PCDHA8: variants seen among roughly 807,000 people sequenced by gnomAD.
The protein encoded by PCDHA8 is protocadherin alpha 8.
A neutral mutation model predicts 61.8 loss-of-function variants in PCDHA8; 53 were observed. That is an observed-to-expected ratio of 0.86 (90% CI 0.69 to 1.08). The LOEUF (loss-of-function observed/expected upper bound fraction) is 1.08. Ranked by LOEUF, PCDHA8 falls within the 50% of genes least tolerant of loss-of-function variation. PCDHA8 has a pLI of 0.00. For missense variants in PCDHA8, 1,293 were observed against 1,245.0 expected (o/e 1.04, Z -0.58); for synonymous variants, 618 against 556.6 (o/e 1.11, Z -1.55).
At chr5:140,875,580 C>T (rs1381718234) in intron 1 of PCDHA8, 2 of 1,614,076 alleles carry the variant, frequency 1.2e-6, no homozygotes, top group East Asian at 2.2e-5. Flanking sequence ...ACTCCGTCTA[C>T]GAGGAGGCCA....
chr5:140,911,485 A>G (rs1387982810), intron 1 of PCDHA8, among the ~76,000 whole-genome samples: 1 of 152,152 alleles, frequency 6.6e-6, no homozygotes, highest in East Asian at 1.9e-4. Context: ...ACTCAGGGCA[A>G]TCTTAGCAGG....
chr5:140,868,431 G>T (rs1319024879), intron 1 of PCDHA8: 2 of 152,206 alleles, frequency 1.3e-5, no homozygotes, highest in Non-Finnish European at 2.9e-5. Flanking sequence ...GATGAGAATA[G>T]ATCATGTGGA....
Position 140,925,562 on chromosome 5 carries a change from G to A in PCDHA8, c.2395-53387G>A, listed in dbSNP as rs28620116. On this transcript the variant is annotated intron_variant, in intron 1 of 3. Transcript: ENST00000531613. ...ACCTAATGTAAATGACAAGTTAATG[G>A]GTGCAGCACACCAACATGGCGCATG... 5.5e-3 allele frequency among the ~76,000 whole-genome samples: 841 copies of A among 151,670 alleles called. 7 individuals carry two copies. The highest frequency in any genetic ancestry group is 0.018 in the African/African-American group (764 of 41,334).
chr5:140,950,723 A>AT (rs1196047674), intron 1 of PCDHA8, among the ~76,000 whole-genome samples: 72 of 152,102 alleles, frequency 4.7e-4, no homozygotes, highest in African/African-American at 1.6e-3. Flanking sequence ...ATATCCTTAA[A>AT]TTTTTTAATC....
chr5:140,918,072 T>C (rs1271495774), intron 1 of PCDHA8, among the ~76,000 whole-genome samples: 1 of 152,142 alleles, frequency 6.6e-6, no homozygotes, highest in Non-Finnish European at 1.5e-5. Flanking sequence ...TTTCTTTCAG[T>C]AGTGTTTTAT....
chr5:140,970,647 T>C lies in PCDHA8; in HGVS notation c.2395-8302T>C, dbSNP rs529255517. Among the ~76,000 whole-genome samples, 9 of 152,352 alleles carry C rather than the reference T, an allele frequency of 5.9e-5. No homozygotes were observed. The South Asian group carries it at 1.9e-3, about 32-fold the overall frequency. On this transcript the variant is annotated intron_variant, in intron 1 of 3. Coordinates refer to ENST00000531613, the MANE Select transcript of PCDHA8 (RefSeq NM_018911.3). ...CAAAATTTTGTACCATAAATAGTGA[T>C]GAATTGTTATCTTTCCAAATAACTA...
rs1581464132 is a variant in PCDHA8, at chr5:140,857,670, T to A, written c.2394+13955T>A. 10 of 1,596,646 alleles carry A rather than the reference T, an allele frequency of 6.3e-6. No homozygotes were observed. In the East Asian group the frequency reaches 2.2e-4, roughly 36 times the overall value. ...CAGGTGAGCGCGCGCGATGGGGGCG[T>A]GCCGCCTCTGGGCAGCAACTTGACG... On this transcript the variant is annotated intron_variant, in intron 1 of 3. Transcript: ENST00000531613.
At chr5:140,905,135 T>G (rs2071619691) in intron 1 of PCDHA8, among the ~76,000 whole-genome samples, 1 of 152,208 alleles carries the variant, frequency 6.6e-6, no homozygotes, top group Admixed American at 6.5e-5. Context: ...GAAGAGTTTT[T>G]CTGCTGTTAT....
In PCDHA8 at chr5:140,929,533, A is replaced by G; in HGVS notation, c.2395-49416A>G. 8.5e-6 allele frequency: 5 copies of G among 588,644 alleles called. No individual in the cohort carries two copies. The East Asian group carries it at 1.3e-4, about 16-fold the overall frequency. The allele number at this position is 588,644 out of a possible 1,614,324, so 36.5% of individuals were successfully genotyped here. The stretch of plus-strand genomic sequence containing the variant: ...AAGGGACTTATAGTTTATTTTTGAG[A>G]AACAAGGGCAAAAATTAAAACCTAT... On this transcript the variant is annotated intron_variant, in intron 1 of 3. Coordinates refer to ENST00000531613, the MANE Select transcript of PCDHA8 (RefSeq NM_018911.3).
chr5:140,876,644 C>T, intron 1 of PCDHA8: 2 of 1,614,200 alleles, frequency 1.2e-6, no homozygotes, highest in South Asian at 1.1e-5. Context: ...TCACTGACAC[C>T]TCATGTTCCC....
chr5:140,849,846 A>T, intron 1 of PCDHA8: 5 of 1,598,504 alleles, frequency 3.1e-6, no homozygotes, highest in Non-Finnish European at 4.3e-6. Flanking sequence ...CGTGAACGAC[A>T]ACGCACCAGC....
chr5:140,978,787 C>G (rs1164015518), intron 1 of PCDHA8, 162 bp from the exon 2 acceptor site: 2 of 972,388 alleles, frequency 2.1e-6, no homozygotes, highest in Non-Finnish European at 2.4e-6. Context: ...TTCTAAAGTG[C>G]TATATATGTA....
chr5:140,875,783 T>C (rs782000038), intron 1 of PCDHA8: 4 of 1,614,050 alleles, frequency 2.5e-6, no homozygotes, highest in Non-Finnish European at 3.4e-6. Flanking sequence ...GAGTGCAGTA[T>C]CCACCTGGAG....
At chr5:140,915,638 C>CTCTT (rs1554197009) in intron 1 of PCDHA8, among the ~76,000 whole-genome samples, 3 of 151,724 alleles carry the variant, frequency 2.0e-5, no homozygotes, top group Admixed American at 1.3e-4. Context: ...CTCTCTCTCT[C>CTCTT]TCTCTCTCTC....
In PCDHA8 at chr5:140,927,203, C is replaced by T. The variant is rs782141467; in HGVS notation, c.2395-51746C>T. ...ACCTACGACCTGGTGCTCGAGGACC[C>T]GCTGGAGCTGCACAAGATTCGGATT... On this transcript the variant is annotated intron_variant, in intron 1 of 3. Transcript: ENST00000531613. 65 of 1,614,104 alleles carry T rather than the reference C, an allele frequency of 4.0e-5. No homozygotes were observed. Among genetic ancestry groups the T allele is most frequent in the Non-Finnish European group, 5.1e-5 (60 of 1,180,040 alleles).
At chr5:140,875,891 TA>T (rs2055921027) in intron 1 of PCDHA8, 3 of 1,614,128 alleles carry the variant, frequency 1.9e-6, no homozygotes, top group Middle Eastern at 3.3e-4. Flanking sequence ...GAACAAAAGG[TA>T]CCTGTTTCTG....
intron 1 of PCDHA8, among the ~76,000 whole-genome samples, chr5:140,904,135 G>A (rs1310606905): frequency 6.6e-5 from 10 of 151,986 alleles, no homozygotes; most frequent in Non-Finnish European, 1.0e-4. Context: ...CCCATCACCC[G>A]AGCAGTATAC....
chr5:140,912,395 T>C (rs782718158), intron 1 of PCDHA8, among the ~76,000 whole-genome samples: 10 of 152,138 alleles, frequency 6.6e-5, no homozygotes, highest in Non-Finnish European at 1.5e-4. Flanking sequence ...CTTAATTTGA[T>C]TCTCAGCTTG....
At chr5:140,856,508 G>A (rs2044043194) in intron 1 of PCDHA8, 6 of 1,598,282 alleles carry the variant, frequency 3.8e-6, no homozygotes, top group Non-Finnish European at 5.1e-6. Context: ...ATTTCCACTA[G>A]AAGGCGCATC....
Sources: gnomAD v4.1 joint callset for allele counts (sites outside exome capture counted in the v4.1 genomes callset) on GRCh38, gnomAD v4.1.1 for gene constraint, MANE v1.5 for transcripts, NCBI Gene and HGNC (gene_info 2026-07-23, HGNC 2026-07-21) for gene names.